Variants in OR2A25 observed in about 807,000 individuals in gnomAD.
OR2A25 encodes the protein olfactory receptor family 2 subfamily A member 25, also known as olfactory receptor 2A25.
For synonymous variants in OR2A25, 162 were observed against 148.1 expected (o/e 1.09, Z -0.68); for missense variants, 362 against 368.3 (o/e 0.98, Z 0.14).
At chr7:144,073,856 C>A (rs1207410523) in intron 1 of OR2A25, among the ~76,000 whole-genome samples, 1 of 152,014 alleles carries the variant, frequency 6.6e-6, no homozygotes, top group Non-Finnish European at 1.5e-5. Flanking sequence ...ATATAAGTAC[C>A]CTGCAATGAA....
Position 144,074,915 on chromosome 7 carries a change from G to A in OR2A25, c.696G>A (p.Gly232=). The part of the protein sequence containing the change: ...CAILKIQSGE[G]CQKAFSICSS... ...TTCTAAAGATCCAGTCAGGAGAGGG[G>A]TGCCAGAAAGCCTTCTCCATCTGCT... is the stretch of plus-strand genomic sequence containing the variant. Residue 232 remains glycine, a synonymous_variant, in exon 2 of 2, where the codon GGG becomes GGA. Transcript: ENST00000641663. 1 of 1,614,052 alleles carries A rather than the reference G, an allele frequency of 6.2e-7. No individual in the cohort carries two copies.
chr7:144,074,135 A>T, intron 1 of OR2A25, 81 bp from the exon 2 acceptor site: 4 of 1,256,050 alleles, frequency 3.2e-6, no homozygotes, highest in South Asian at 1.4e-5. Context: ...AAACACTCAA[A>T]CAATAATATG....
intron 1 of OR2A25, among the ~76,000 whole-genome samples, chr7:144,070,962 C>CA (rs1406713736): frequency 2.0e-5 from 3 of 151,818 alleles, no homozygotes; most frequent in African/African-American, 4.8e-5. Flanking sequence ...CTCTAAGTTA[C>CA]AAAAAATCCA....
Position 144,074,965 on chromosome 7 carries a change from T to G in OR2A25, c.746T>G (p.Leu249Arg), listed in dbSNP as rs1452963871. The G allele has an allele frequency of 1.2e-6, 2 of 1,614,064 alleles. No homozygotes were observed. The highest frequency in any genetic ancestry group is 1.7e-5 in the Admixed American group (1 of 60,006). The change falls in exon 2 of 2, where the codon CTC becomes CGC. Residue 249 changes from leucine to arginine, a missense_variant. Transcript: ENST00000641663. ...ICSSHLCVVGLFYGTAIIMYV... is the reference protein window; with the variant it reads ...ICSSHLCVVGRFYGTAIIMYV... ...TCCTCCCACCTCTGTGTGGTTGGAC[T>G]CTTTTATGGCACAGCCATCATCATG...
Position 144,075,391 on chromosome 7 carries a change from A to T in OR2A25, c.*239A>T, listed in dbSNP as rs1194136850. 3.0e-6 allele frequency: 1 copy of T among 338,972 alleles called. No homozygotes were observed. The highest frequency in any genetic ancestry group is 2.1e-5 in the African/African-American group (1 of 47,706). 21.0% of individuals were successfully genotyped at this position (338,972 alleles called of 1,614,324 possible). On this transcript the variant is annotated 3_prime_UTR_variant, in exon 2 of 2. Coordinates refer to ENST00000641663, the MANE Select transcript of OR2A25 (RefSeq NM_001386096.1). ...GCTGTATAGTGTACACACTTTTAAT[A>T]TAATTATGTGAAATATTCTGAAAGT...
intron 1 of OR2A25, among the ~76,000 whole-genome samples, chr7:144,070,779 G>T (rs1483087386): frequency 6.6e-6 from 1 of 151,690 alleles, no homozygotes. Context: ...TCATTTTTCT[G>T]AGCTATTTAA....
chr7:144,070,472 T>C (rs1201768156), intron 1 of OR2A25: 1 of 152,146 alleles, frequency 6.6e-6, no homozygotes, highest in African/African-American at 2.4e-5. Context: ...CAAACTGTAA[T>C]TCTTACCTGT....
At chr7:144,074,157 C>T in intron 1 of OR2A25, 59 bp from the exon 2 acceptor site, 1 of 1,415,438 alleles carries the variant, frequency 7.1e-7, no homozygotes, top group East Asian at 2.3e-5. Context: ...ACAGTTGCAG[C>T]ATGCTTAAAC....
Position 144,074,807 on chromosome 7 carries a change from A to G in OR2A25, c.588A>G (p.Val196=). 2.5e-6 allele frequency: 4 copies of G among 1,614,138 alleles called. No homozygotes were observed. The highest frequency in any genetic ancestry group is 3.4e-6 in the Non-Finnish European group (4 of 1,179,994). Residue 196 remains valine, a synonymous_variant, in exon 2 of 2, where the codon GTA becomes GTG. Transcript: ENST00000641663. The part of the protein sequence containing the change: ...LACADTHINE[V]MVLAGAVSVL... ...GTGCGGATACCCACATTAATGAGGT[A>G]ATGGTTTTGGCAGGGGCAGTGTCTG...
Position 144,074,880 on chromosome 7 carries a change from CT to C in OR2A25, c.662del (p.Leu221HisfsTer5). The C allele has an allele frequency of 6.2e-7, 1 of 1,614,064 alleles. No individual in the cohort carries two copies. Among genetic ancestry groups the C allele is most frequent in the Non-Finnish European group, 8.5e-7 (1 of 1,180,030 alleles). On this transcript the variant is annotated frameshift_variant, in exon 2 of 2. Transcript: ENST00000641663. LOFTEE classifies it low-confidence loss of function (END_TRUNC). ...CACTGTAATATCTTATGTTCATATT[CT>C]ATGTGCCATTCTAAAGATCCAGTCA... is the stretch of plus-strand genomic sequence containing the variant. ...FSTVISYVHI[L>X]CAILKIQSGE...
intron 1 of OR2A25, 32 bp downstream of exon 1, chr7:144,069,928 A>G (rs922717990): frequency 3.3e-5 from 5 of 152,156 alleles, no homozygotes; most frequent in Admixed American, 3.3e-4. Context: ...GGAGTTCCTG[A>G]AACTAAAATA....
Position 144,074,938 on chromosome 7 carries a change from G to T in OR2A25, c.719G>T (p.Cys240Phe), listed in dbSNP as rs772583203. ...GGGTGCCAGAAAGCCTTCTCCATCT[G>T]CTCCTCCCACCTCTGTGTGGTTGGA... Reference protein sequence around the residue: ...GEGCQKAFSICSSHLCVVGLF... With the variant: ...GEGCQKAFSIFSSHLCVVGLF... Residue 240 changes from cysteine (C) to phenylalanine (F), a missense_variant, in exon 2 of 2, where the codon TGC becomes TTC. Transcript: ENST00000641663. The T allele has an allele frequency of 6.2e-7, 1 of 1,614,048 alleles. No individual in the cohort carries two copies. Among genetic ancestry groups the T allele is most frequent in the Non-Finnish European group, 8.5e-7 (1 of 1,179,988 alleles).
intron 1 of OR2A25, among the ~76,000 whole-genome samples, chr7:144,072,250 A>C (rs1208643933): frequency 2.6e-5 from 4 of 152,060 alleles, no homozygotes; most frequent in Non-Finnish European, 4.4e-5. Context: ...AAGGCTATAG[A>C]GTCAGGCAAA....
rs373344859 is a variant in OR2A25 at position 144,074,707 on chromosome 7, T to C, written c.488T>C (p.Leu163Pro). ...GCCCTTGTCCATCTAGTGTTACTGC[T>C]ACCACTGTCCTTCTGTGGACCCCAG... ...LLALVHLVLL[L>P]PLSFCGPQKL... The change falls in exon 2 of 2, where the codon CTA (leucine) becomes CCA (proline). Residue 163 changes from leucine (L) to proline (P), a missense_variant. Leu to Pro is a moderately conservative substitution (Grantham distance 98, BLOSUM62 -3). Coordinates refer to ENST00000641663, the MANE Select transcript of OR2A25 (RefSeq NM_001386096.1). 3.5e-5 allele frequency: 56 copies of C among 1,614,080 alleles called. No individual in the cohort carries two copies. Among genetic ancestry groups the C allele is most frequent in the Non-Finnish European group, 4.5e-5 (53 of 1,180,032 alleles).
At chr7:144,072,755 G>T (rs968440896) in intron 1 of OR2A25, among the ~76,000 whole-genome samples, 2 of 151,994 alleles carry the variant, frequency 1.3e-5, no homozygotes, top group Non-Finnish European at 2.9e-5. Context: ...ATATCCAAAA[G>T]AAATGAAGTG....
intron 1 of OR2A25, among the ~76,000 whole-genome samples, chr7:144,072,571 A>C (rs531604981): frequency 9.9e-5 from 15 of 152,280 alleles, no homozygotes; most frequent in South Asian, 4.1e-4. Flanking sequence ...AGAATACATT[A>C]GACTAGAATA....
intron 1 of OR2A25, among the ~76,000 whole-genome samples, 189 bp downstream of exon 1, chr7:144,070,085 T>C (rs571885448): frequency 1.3e-5 from 2 of 152,156 alleles, no homozygotes; most frequent in Non-Finnish European, 2.9e-5. Context: ...ACCAGAGAGA[T>C]AAGTACAGGG....
At chr7:144,070,425 T>C (rs2051056799) in intron 1 of OR2A25, 1 of 152,172 alleles carries the variant, frequency 6.6e-6, no homozygotes, top group Non-Finnish European at 1.5e-5. Context: ...TTATTTATTA[T>C]ACAATTTCAG....
rs529286957 is a variant in OR2A25 at position 144,074,590 on chromosome 7, C to A, written c.371C>A (p.Ala124Asp). The A allele has an allele frequency of 6.2e-7, 1 of 1,614,176 alleles. No homozygotes were observed. The highest frequency in any genetic ancestry group is 2.2e-5 in the East Asian group (1 of 44,874). The change falls in exon 2 of 2, where the codon GCC becomes GAC. Residue 124 changes from alanine (A) to aspartate (D), a missense_variant. By Grantham distance (126) the Ala-to-Asp change is moderately radical. Transcript: ENST00000641663. ...LVVMSYDRYV[A>D]ICHPLRYSTI... ...GTGATGTCCTATGATCGGTACGTGG[C>A]CATCTGCCACCCTCTCCGATATTCT... is the stretch of plus-strand genomic sequence containing the variant.
Sources: gnomAD v4.1 joint callset for allele counts (sites outside exome capture counted in the v4.1 genomes callset) on GRCh38, gnomAD v4.1.1 for gene constraint, MANE v1.5 for transcripts, NCBI Gene and HGNC (gene_info 2026-07-23, HGNC 2026-07-21) for gene names.